The following TLN2 variants were observed in gnomAD, a reference collection of about 807,000 sequenced individuals.
TLN2 encodes talin 2.
TLN2 carries 118 observed loss-of-function variants against 294.7 expected under a neutral mutation model. That is an observed-to-expected ratio of 0.40 (90% CI 0.34 to 0.47). The LOEUF (loss-of-function observed/expected upper bound fraction) is 0.47. Among genes scored for constraint, TLN2 ranks in the 20% least tolerant of loss-of-function variants. TLN2 has a pLI of 0.84. For missense variants in TLN2, 3,083 were observed against 3,282.2 expected (o/e 0.94, Z 1.48); for synonymous variants, 1,431 against 1,304.5 (o/e 1.10, Z -2.09).
At chr15:62,657,615 C>T (rs147497750) in intron 8 of TLN2, among the ~76,000 whole-genome samples, 156 bp from the exon 9 acceptor site, 75 of 152,280 alleles carry the variant, frequency 4.9e-4, no homozygotes, top group African/African-American at 1.7e-3. Context: ...TTCTCCCATG[C>T]GGTGATCATC....
chr15:62,678,936 A>G (rs551768401), intron 11 of TLN2, among the ~76,000 whole-genome samples: 12 of 152,322 alleles, frequency 7.9e-5, no homozygotes, highest in Non-Finnish European at 1.5e-4. Context: ...AATACAGTAA[A>G]ATGAGGGGAA....
At chr15:62,490,349 A>G (rs2038640932) in intron 1 of TLN2, among the ~76,000 whole-genome samples, 1 of 152,106 alleles carries the variant, frequency 6.6e-6, no homozygotes. Context: ...GAACTTACTT[A>G]TGGGGGTTAT....
intron 1 of TLN2, among the ~76,000 whole-genome samples, chr15:62,448,477 C>T (rs913804476): frequency 3.3e-5 from 5 of 152,158 alleles, no homozygotes; most frequent in Non-Finnish European, 1.5e-5. Context: ...TGTGTTTGCT[C>T]CTCCTCCAGT....
intron 37 of TLN2, among the ~76,000 whole-genome samples, chr15:62,760,595 T>C (rs112259801): frequency 9.2e-5 from 14 of 152,312 alleles, no homozygotes; most frequent in African/African-American, 2.6e-4. Flanking sequence ...GTTTCTGTCA[T>C]TGGGTCACAG....
At position 62,727,115 on chromosome 15, in the gene TLN2, G is replaced by C; in HGVS notation, c.3284G>C (p.Ser1095Thr). The C allele has an allele frequency of 1.1e-5, 17 of 1,614,180 alleles. No homozygotes were observed. Among genetic ancestry groups the C allele is most frequent in the Non-Finnish European group, 1.4e-5 (17 of 1,180,024 alleles). Residue 1095 changes from serine (S) to threonine (T), a missense_variant, in exon 28 of 59, where the codon AGC (serine) becomes ACC (threonine). Physicochemically the swap from Ser to Thr is moderately conservative, Grantham distance 58 (BLOSUM62 1). Transcript: ENST00000636159. ...TLEKCAQDLG[S>T]TSKAVGSSMA... is the part of the protein sequence containing the mutation. Reference sequence around the variant, plus strand: ...GAAAAATGTGCTCAGGACCTGGGAAGCACATCCAAGGCGGTGGGCTCCTCC... The same window carrying C: ...GAAAAATGTGCTCAGGACCTGGGAACCACATCCAAGGCGGTGGGCTCCTCC...
At chr15:62,613,923 G>C (rs1371596704) in intron 2 of TLN2, among the ~76,000 whole-genome samples, 1 of 151,596 alleles carries the variant, frequency 6.6e-6, no homozygotes, top group African/African-American at 2.4e-5. Flanking sequence ...GCAAACTAAT[G>C]ATAGTGACAG....
At chr15:62,476,179 C>G (rs1361351470) in intron 1 of TLN2, 1 of 152,276 alleles carries the variant, frequency 6.6e-6, no homozygotes, top group African/African-American at 2.4e-5. Flanking sequence ...CACAGAGCCT[C>G]AGGAGCATGA....
At chr15:62,514,676 G>T (rs1269980424) in intron 1 of TLN2, among the ~76,000 whole-genome samples, 1 of 152,150 alleles carries the variant, frequency 6.6e-6, no homozygotes, top group African/African-American at 2.4e-5. Context: ...TTTTGTGTCA[G>T]GTTGTAATTG....
At chr15:62,399,764 A>T (rs145368014) in intron 1 of TLN2, among the ~76,000 whole-genome samples, 1 of 152,310 alleles carries the variant, frequency 6.6e-6, no homozygotes, top group East Asian at 1.9e-4. Flanking sequence ...TATTTAGGCA[A>T]TTCCTGTACC....
At chr15:62,742,257 G>C (rs1277956004) in intron 32 of TLN2, among the ~76,000 whole-genome samples, 2 of 152,086 alleles carry the variant, frequency 1.3e-5, no homozygotes, top group Non-Finnish European at 2.9e-5. Context: ...TTGATGGTGG[G>C]AGAGATGGGA....
Position 62,739,409 on chromosome 15 carries a change from A to T in TLN2, c.3749A>T (p.Asp1250Val). ...AGTGAACTGAACCAGGCAGCAGCTGATCTGAACCAGTCTGCTGGGGAAGTG... is the reference window on the plus strand; with the variant it reads ...AGTGAACTGAACCAGGCAGCAGCTGTTCTGAACCAGTCTGCTGGGGAAGTG... Reference protein sequence around the residue: ...AQSELNQAAADLNQSAGEVVH... With the variant: ...AQSELNQAAAVLNQSAGEVVH... The change falls in exon 31 of 59, where the codon GAT (aspartate) becomes GTT (valine). Residue 1250 changes from aspartate to valine, a missense_variant. Coordinates refer to ENST00000636159, the MANE Select transcript of TLN2 (RefSeq NM_015059.3). 1 of 1,614,180 alleles carries T rather than the reference A, an allele frequency of 6.2e-7. No individual in the cohort carries two copies. Among genetic ancestry groups the T allele is most frequent in the Non-Finnish European group, 8.5e-7 (1 of 1,180,030 alleles).
intron 1 of TLN2, among the ~76,000 whole-genome samples, chr15:62,430,220 A>G (rs576869680): frequency 2.0e-5 from 3 of 152,326 alleles, no homozygotes; most frequent in South Asian, 2.1e-4. Flanking sequence ...TTACAGTTCA[A>G]TTGACTTTGG....
intron 3 of TLN2, chr15:62,638,732 A>G (rs901437048): frequency 3.6e-5 from 15 of 414,348 alleles, no homozygotes; most frequent in Non-Finnish European, 6.7e-5. Flanking sequence ...TCCCCACCCC[A>G]TTCATGCATT....
rs137970385 is a variant in TLN2 at position 62,797,311 on chromosome 15, C to T, written c.6143C>T (p.Ala2048Val). The change falls in exon 48 of 59, where the codon GCG (alanine) becomes GTG (valine). Residue 2048 changes from alanine to valine, a missense_variant. Physicochemically the swap from Ala to Val is moderately conservative, Grantham distance 64. Coordinates refer to ENST00000636159, the MANE Select transcript of TLN2 (RefSeq NM_015059.3). ...AASTPDKLAQ[A>V]AQSSAATITQ... ...TCCACTCCTGACAAGCTGGCCCAGG[C>T]GGCCCAGTCCTCAGCAGCCACCATC... is the stretch of plus-strand genomic sequence containing the variant. 6.2e-6 allele frequency: 10 copies of T among 1,613,624 alleles called. No homozygotes were observed. Among genetic ancestry groups the T allele is most frequent in the South Asian group, 2.2e-5 (2 of 91,074 alleles).
chr15:62,415,663 C>A (rs1016668571), intron 1 of TLN2, among the ~76,000 whole-genome samples: 2 of 152,202 alleles, frequency 1.3e-5, no homozygotes, highest in East Asian at 3.9e-4. Context: ...GGAAGAGGCC[C>A]GCTGCCAGGC....
In TLN2 at chr15:62,692,863, C is replaced by T. The variant is rs1278325422; in HGVS notation, c.1137C>T (p.Ser379=). 6.2e-7 allele frequency: 1 copy of T among 1,613,414 alleles called. No individual in the cohort carries two copies. Among genetic ancestry groups the T allele is most frequent in the Admixed American group, 1.7e-5 (1 of 59,908 alleles). The part of the protein sequence containing the change: ...FTLDFGEYQE[S]YYSVQTTEGE... ...AGGATTTTGGGGAGTATCAGGAAAG[C>T]TACTATTCAGTACAAACCACCGAGG... is the stretch of plus-strand genomic sequence containing the variant. The change falls in exon 13 of 59, where the codon AGC becomes AGT. Residue 379 remains serine, a synonymous_variant. Transcript: ENST00000636159.
At chr15:62,695,630 C>G (rs2058273823) in intron 14 of TLN2, among the ~76,000 whole-genome samples, 2 of 152,152 alleles carry the variant, frequency 1.3e-5, no homozygotes, top group Non-Finnish European at 1.5e-5. Flanking sequence ...ATATTTTCAC[C>G]CTTGCTGCCA....
At chr15:62,717,339 C>G (rs1447711580) in intron 23 of TLN2, among the ~76,000 whole-genome samples, 1 of 152,122 alleles carries the variant, frequency 6.6e-6, no homozygotes. Context: ...AACAAATGAA[C>G]TTCAAAGCTT....
At chr15:62,785,355 GAA>G (rs1179070642) in intron 45 of TLN2, among the ~76,000 whole-genome samples, 1 of 152,162 alleles carries the variant, frequency 6.6e-6, no homozygotes, top group Non-Finnish European at 1.5e-5. Flanking sequence ...TTACAGTAAG[GAA>G]AAGTTTGCTT....
Sources: gnomAD v4.1 joint callset for allele counts (sites outside exome capture counted in the v4.1 genomes callset) on GRCh38, gnomAD v4.1.1 for gene constraint, MANE v1.5 for transcripts, NCBI Gene and HGNC (gene_info 2026-07-23, HGNC 2026-07-21) for gene names.